The following PCDH15 variants were observed in gnomAD, a reference collection of about 807,000 sequenced individuals.
PCDH15 encodes protocadherin related 15.
In PCDH15, 129 loss-of-function variants were observed where a neutral mutation model predicts 178.5. The ratio of observed to expected loss-of-function variants is 0.72; its 90% CI spans 0.63 to 0.84. The LOEUF (loss-of-function observed/expected upper bound fraction) is 0.84, where lower values mean the gene tolerates loss of function less well. PCDH15 is among the 40% of genes least tolerant of loss of function. The probability of loss-of-function intolerance (pLI) is 0.00; values close to 1 mark genes in which losing one functional copy is unlikely to be tolerated. For missense variants in PCDH15, 2,230 were observed against 2,099.9 expected (o/e 1.06, Z -1.21); for synonymous variants, 800 against 732.0 (o/e 1.09, Z -1.50).
rs1841082441 is a variant in PCDH15, at chr10:53,805,311, C to A, written c.*1268G>T. The A allele has an allele frequency of 6.6e-6, 1 of 151,984 alleles. No individual in the cohort carries two copies. The highest frequency in any genetic ancestry group is 2.4e-5 in the African/African-American group (1 of 41,426). 9.4% of individuals were successfully genotyped at this position (151,984 alleles called of 1,614,324 possible). A position where few individuals can be genotyped will look rare whatever the true frequency, so the allele number is the denominator to read the frequency against. ...ATACTAAGTAATATTCAATAGAATTCTGAATTCTCTTAATCTATATTGTTT... is the reference window on the plus strand; with the variant it reads ...ATACTAAGTAATATTCAATAGAATTATGAATTCTCTTAATCTATATTGTTT... On this transcript the variant is annotated 3_prime_UTR_variant, in exon 38 of 38. Coordinates refer to ENST00000644397, the MANE Select transcript of PCDH15 (RefSeq NM_001384140.1).
chr10:54,122,592 G>T (rs74930788), intron 15 of PCDH15, among the ~76,000 whole-genome samples: 9 of 145,118 alleles, frequency 6.2e-5, no homozygotes, highest in African/African-American at 2.0e-4. Context: ...AAAAAAAAAA[G>T]AAAAAAAAAT....
At chr10:55,141,090 T>C (rs1838342258) in intron 2 of PCDH15, among the ~76,000 whole-genome samples, 1 of 152,080 alleles carries the variant, frequency 6.6e-6, no homozygotes, top group South Asian at 2.1e-4. Flanking sequence ...TATAAGTTTG[T>C]CTTCTGCAAA....
Position 54,031,919 on chromosome 10 carries a change from C to T in PCDH15, c.2221-8722G>A, listed in dbSNP as rs182495200. Among the ~76,000 whole-genome samples the T allele has an allele frequency of 9.2e-5, 14 of 152,070 alleles. 1 individual carries two copies. Among genetic ancestry groups the T allele is most frequent in the African/African-American group, 1.9e-4 (8 of 41,510 alleles). ...CAAATATTCCTTATAGTGCTGAAAA[C>T]GAAGAGGAAAACCTGGGAGGACTCA... On this transcript the variant is annotated intron_variant, in intron 18 of 37. Transcript: ENST00000644397.
chr10:54,921,259 T>C (rs1236225130), intron 2 of PCDH15, among the ~76,000 whole-genome samples: 1 of 152,188 alleles, frequency 6.6e-6, no homozygotes, highest in Admixed American at 6.5e-5. Context: ...ACTTTATCTT[T>C]GCTTCCTGAT....
At chr10:54,715,978 C>T (rs1034741891) in intron 1 of PCDH15, among the ~76,000 whole-genome samples, 1 of 152,088 alleles carries the variant, frequency 6.6e-6, no homozygotes, top group Admixed American at 6.6e-5. Flanking sequence ...TTGGAGCACT[C>T]ACTCTTCTAG....
chr10:53,834,593 G>A (rs1589006290), intron 29 of PCDH15, among the ~76,000 whole-genome samples: 1 of 151,212 alleles, frequency 6.6e-6, no homozygotes, highest in East Asian at 2.0e-4. Context: ...TAATTCTAAG[G>A]GAAGGGTATA....
At chr10:54,195,602 G>T in intron 11 of PCDH15, 81 bp downstream of exon 11, 1 of 1,175,346 alleles carries the variant, frequency 8.5e-7, no homozygotes, top group Non-Finnish European at 1.3e-6. Context: ...AGCTTATGTA[G>T]CCATATCTTT....
At chr10:54,500,011 A>G (rs72792529) in intron 3 of PCDH15, among the ~76,000 whole-genome samples, 3,522 of 152,310 alleles carry the variant, frequency 0.023, 49 homozygotes, top group Non-Finnish European at 0.038. Context: ...TCATTGCAGC[A>G]GTATTCACTA....
At chr10:54,796,347 A>G (rs1952014022) in intron 1 of PCDH15, among the ~76,000 whole-genome samples, 1 of 150,304 alleles carries the variant, frequency 6.7e-6, no homozygotes, top group African/African-American at 2.5e-5. Flanking sequence ...ATCTATATCT[A>G]TATATCAACC....
intron 3 of PCDH15, among the ~76,000 whole-genome samples, chr10:54,891,147 C>T (rs1954453651): frequency 6.6e-6 from 1 of 151,960 alleles, no homozygotes; most frequent in Non-Finnish European, 1.5e-5. Context: ...CAAAAGGCAA[C>T]TGAAAATTAG....
intron 3 of PCDH15, among the ~76,000 whole-genome samples, chr10:54,872,231 A>G (rs997696902): frequency 6.6e-6 from 1 of 152,026 alleles, no homozygotes; most frequent in African/African-American, 2.4e-5. Flanking sequence ...CATATGGCAA[A>G]AAAGTGAATG....
At chr10:55,313,799 G>T (rs1425248921) in intron 1 of PCDH15, among the ~76,000 whole-genome samples, 1 of 152,082 alleles carries the variant, frequency 6.6e-6, no homozygotes, top group East Asian at 1.9e-4. Context: ...GAAAAACATT[G>T]CTGGACCAAT....
chr10:54,934,375 G>C (rs1291537496), intron 2 of PCDH15, among the ~76,000 whole-genome samples: 1 of 152,090 alleles, frequency 6.6e-6, no homozygotes, highest in African/African-American at 2.4e-5. Context: ...GGTGACTATA[G>C]TCTGAAAATA....
At chr10:54,057,246 T>C (rs2093913370) in intron 18 of PCDH15, among the ~76,000 whole-genome samples, 2 of 152,222 alleles carry the variant, frequency 1.3e-5, no homozygotes, top group African/African-American at 4.8e-5. Flanking sequence ...GTGGGGACTC[T>C]GTGTGGGGGC....
At chr10:54,621,187 T>G (rs942503795) in intron 2 of PCDH15, among the ~76,000 whole-genome samples, 1 of 151,992 alleles carries the variant, frequency 6.6e-6, no homozygotes, top group African/African-American at 2.4e-5. Context: ...AAAGCAATAT[T>G]CATCAAAAAT....
chr10:54,635,922 T>C (rs2093840878), intron 2 of PCDH15, among the ~76,000 whole-genome samples: 1 of 151,784 alleles, frequency 6.6e-6, no homozygotes, highest in South Asian at 2.1e-4. Flanking sequence ...AATCCTGTCA[T>C]GTGTCTGCAA....
chr10:54,200,069 A>G (rs1158920165), intron 10 of PCDH15, among the ~76,000 whole-genome samples: 3 of 152,180 alleles, frequency 2.0e-5, no homozygotes, highest in East Asian at 3.9e-4. Context: ...GAGACTACAG[A>G]ATAACTTTGT....
chr10:54,676,528 TA>T (rs1234115648), intron 1 of PCDH15, among the ~76,000 whole-genome samples: 3 of 152,114 alleles, frequency 2.0e-5, no homozygotes, highest in Non-Finnish European at 2.9e-5. Context: ...AGAAGAATTT[TA>T]AAAAACAAAA....
At chr10:54,715,585 T>C (rs2095471069) in intron 1 of PCDH15, among the ~76,000 whole-genome samples, 1 of 152,190 alleles carries the variant, frequency 6.6e-6, no homozygotes, top group South Asian at 2.1e-4. Flanking sequence ...ACGATATGGG[T>C]GCAGTGGAAC....
Sources: gnomAD v4.1 joint callset for allele counts (sites outside exome capture counted in the v4.1 genomes callset) on GRCh38, gnomAD v4.1.1 for gene constraint, MANE v1.5 for transcripts, NCBI Gene and HGNC (gene_info 2026-07-23, HGNC 2026-07-21) for gene names.